SAMMSON: variants seen among roughly 807,000 people sequenced by gnomAD.
The protein encoded by SAMMSON is survival associated mitochondrial melanoma specific oncogenic non-coding RNA.
At chr3:70,018,662 A>C (rs1372472374) in intron 3 of SAMMSON, among the ~76,000 whole-genome samples, 1 of 151,794 alleles carries the variant, frequency 6.6e-6, no homozygotes, top group Non-Finnish European at 1.5e-5. Flanking sequence ...TAGTTGTTTT[A>C]ATTGTGATGT....
intron 3 of SAMMSON, among the ~76,000 whole-genome samples, chr3:70,040,765 G>A (rs2067103312): frequency 1.3e-5 from 2 of 152,094 alleles, no homozygotes; most frequent in African/African-American, 4.8e-5. Context: ...GGTGGCTAAG[G>A]GAGGTGAGTA....
chr3:70,366,542 A>T (rs1452036267), intron 9 of SAMMSON, among the ~76,000 whole-genome samples: 1 of 139,294 alleles, frequency 7.2e-6, no homozygotes, highest in Admixed American at 7.5e-5. Context: ...TCACTGAATA[A>T]TATTCCACAG....
intron 4 of SAMMSON, among the ~76,000 whole-genome samples, chr3:70,188,613 C>T (rs977691221): frequency 3.8e-4 from 58 of 152,180 alleles, no homozygotes; most frequent in African/African-American, 1.3e-3. Flanking sequence ...ATAGACATCT[C>T]TCATGTGTTA....
intron 6 of SAMMSON, among the ~76,000 whole-genome samples, chr3:70,271,056 TA>T (rs888468600): frequency 1.1e-4 from 16 of 150,774 alleles, no homozygotes; most frequent in South Asian, 2.1e-4. Flanking sequence ...ATATTGAAAA[TA>T]AAAAAAAACA....
At chr3:70,049,270 T>A (rs1312593103) in intron 3 of SAMMSON, among the ~76,000 whole-genome samples, 4 of 152,110 alleles carry the variant, frequency 2.6e-5, no homozygotes, top group African/African-American at 9.7e-5. Context: ...CTTAGGAAAC[T>A]TCAGTACATC....
At chr3:70,257,175 G>A (rs1185764699) in intron 6 of SAMMSON, among the ~76,000 whole-genome samples, 1 of 152,180 alleles carries the variant, frequency 6.6e-6, no homozygotes, top group African/African-American at 2.4e-5. Context: ...GAAATTTTGT[G>A]AACTATACAT....
intron 6 of SAMMSON, among the ~76,000 whole-genome samples, chr3:70,288,467 C>G (rs1158557974): frequency 2.6e-5 from 4 of 151,184 alleles, no homozygotes; most frequent in Non-Finnish European, 4.4e-5. Flanking sequence ...CTGAGGAGAA[C>G]TTTACTTCCA....
At chr3:70,224,083 G>A (rs1701482320) in intron 4 of SAMMSON, among the ~76,000 whole-genome samples, 1 of 152,068 alleles carries the variant, frequency 6.6e-6, no homozygotes, top group African/African-American at 2.4e-5. Context: ...CAAACACCAG[G>A]TTAGTGTAAA....
intron 7 of SAMMSON, among the ~76,000 whole-genome samples, chr3:70,346,775 G>C (rs1316058048): frequency 6.6e-6 from 1 of 152,002 alleles, no homozygotes. Flanking sequence ...TACAGTTTTT[G>C]TTTTCAAGAA....
At chr3:70,342,786 A>T (rs1217984699) in intron 7 of SAMMSON, among the ~76,000 whole-genome samples, 1 of 152,112 alleles carries the variant, frequency 6.6e-6, no homozygotes, top group African/African-American at 2.4e-5. Flanking sequence ...TGTAAATGTG[A>T]TTATGTTTCT....
chr3:70,386,513 C>T (rs1387991230), intron 9 of SAMMSON, among the ~76,000 whole-genome samples: 1 of 152,100 alleles, frequency 6.6e-6, no homozygotes, highest in Non-Finnish European at 1.5e-5. Flanking sequence ...GAATTAGAGA[C>T]TGCATATTGC....
intron 8 of SAMMSON, among the ~76,000 whole-genome samples, chr3:70,357,599 T>C (rs897112714): frequency 2.6e-5 from 4 of 151,848 alleles, no homozygotes; most frequent in Non-Finnish European, 5.9e-5. Context: ...GCTGGGAGGC[T>C]AGGGGAGGAA....
At chr3:70,004,976 C>T (rs548678268) in intron 1 of SAMMSON, among the ~76,000 whole-genome samples, 46 of 152,300 alleles carry the variant, frequency 3.0e-4, no homozygotes, top group African/African-American at 1.1e-3. Context: ...CTGCTTTATC[C>T]AGCATTGTTT....
At chr3:70,015,348 G>A (rs2066978763) in intron 3 of SAMMSON, 1 of 151,162 alleles carries the variant, frequency 6.6e-6, no homozygotes, top group Non-Finnish European at 1.5e-5. Flanking sequence ...CAGCATTTTG[G>A]GGAAATGCTC....
chr3:70,312,476 T>C (rs1253202984), intron 7 of SAMMSON: 1 of 152,336 alleles, frequency 6.6e-6, no homozygotes, highest in South Asian at 2.1e-4. Flanking sequence ...ATTACGAACC[T>C]TCGGTGCAGT....
intron 1 of SAMMSON, among the ~76,000 whole-genome samples, chr3:70,007,283 A>G (rs1327510139): frequency 2.0e-5 from 3 of 152,180 alleles, no homozygotes; most frequent in African/African-American, 4.8e-5. Context: ...AAGTGTTCCT[A>G]TTTCTCCACA....
At chr3:70,073,361 G>T (rs781325512) in intron 4 of SAMMSON, among the ~76,000 whole-genome samples, 4 of 152,146 alleles carry the variant, frequency 2.6e-5, no homozygotes, top group Non-Finnish European at 5.9e-5. Flanking sequence ...AAAATATATT[G>T]TTGTATTTTA....
intron 4 of SAMMSON, among the ~76,000 whole-genome samples, chr3:70,128,813 T>C (rs1228268933): frequency 6.6e-6 from 1 of 152,222 alleles, no homozygotes; most frequent in African/African-American, 2.4e-5. Flanking sequence ...TTGTGGTTTA[T>C]TACTAATGAT....
chr3:70,175,687 A>G (rs1484216639), intron 4 of SAMMSON, among the ~76,000 whole-genome samples: 2 of 152,140 alleles, frequency 1.3e-5, no homozygotes, highest in African/African-American at 2.4e-5. Context: ...AATCTCCTCC[A>G]GAAACTCTGC....
Sources: gnomAD v4.1 joint callset for allele counts (sites outside exome capture counted in the v4.1 genomes callset) on GRCh38, gnomAD v4.1.1 for gene constraint, MANE v1.5 for transcripts, NCBI Gene and HGNC (gene_info 2026-07-23, HGNC 2026-07-21) for gene names.